THAP4: variants seen among roughly 807,000 people sequenced by gnomAD.
THAP4 encodes the protein THAP domain containing 4, also known as peroxynitrite isomerase THAP4.
THAP4 carries 18 observed loss-of-function variants against 48.1 expected under a neutral mutation model. That is an observed-to-expected ratio of 0.37 (90% CI 0.26 to 0.56). The LOEUF (loss-of-function observed/expected upper bound fraction) is 0.56, where lower values mean the gene tolerates loss of function less well. Among genes scored for constraint, THAP4 ranks in the 20% least tolerant of loss-of-function variants. The probability of loss-of-function intolerance (pLI) is 0.78; values close to 1 mark genes in which losing one functional copy is unlikely to be tolerated. For synonymous variants in THAP4, 345 were observed against 324.9 expected (o/e 1.06, Z -0.66); for missense variants, 656 against 774.9 (o/e 0.85, Z 1.82).
chr2:241,584,648 C>T lies in THAP4; in HGVS notation c.1692G>A (p.Met564Ile), dbSNP rs1285749377. 1.9e-6 allele frequency: 3 copies of T among 1,614,230 alleles called. No homozygotes were observed. The highest frequency in any genetic ancestry group is 1.6e-4 in the Middle Eastern group (1 of 6,062). Reference sequence around the variant, plus strand: ...TGTAGGTGACGTGAAGATGCTGAGTCATTGGCTGTGTCGTGGTTGCCATGG... The same window carrying T: ...TGTAGGTGACGTGAAGATGCTGAGTTATTGGCTGTGTCGTGGTTGCCATGG... ...TVSMATTTQP[M>I]TQHLHVTYKK... The change falls in exon 6 of 6, where the codon ATG becomes ATA. Residue 564 changes from methionine (M) to isoleucine (I), a missense_variant. Met to Ile is a conservative substitution (Grantham distance 10, BLOSUM62 1). This residue lies in a region of THAP4 where 176 missense variants were observed against 256.7 expected (regional missense o/e 0.69). Coordinates refer to ENST00000407315, the MANE Select transcript of THAP4 (RefSeq NM_015963.6).
intron 5 of THAP4, among the ~76,000 whole-genome samples, chr2:241,591,289 G>C (rs1460962031): frequency 6.6e-6 from 1 of 152,192 alleles, no homozygotes; most frequent in Non-Finnish European, 1.5e-5. Context: ...CAGAAACCAG[G>C]CCGGGGGCTT....
intron 5 of THAP4, among the ~76,000 whole-genome samples, chr2:241,593,854 T>C (rs1433059225): frequency 6.6e-6 from 1 of 152,122 alleles, no homozygotes; most frequent in Non-Finnish European, 1.5e-5. Flanking sequence ...GCCCGGCTAC[T>C]TTTTGTATTT....
rs549328818 is a variant in THAP4, at chr2:241,595,278, G to T, written c.1614+6618C>A. 3.9e-5 allele frequency among the ~76,000 whole-genome samples: 6 copies of T among 152,262 alleles called. No homozygotes were observed. In the East Asian group the frequency reaches 1.2e-3, roughly 30 times the overall value. On this transcript the variant is annotated intron_variant, in intron 5 of 5. Transcript: ENST00000407315. The stretch of plus-strand genomic sequence containing the variant: ...GATATGCCCACCTTGGCCTCCTACA[G>T]AGCTGGGATTACAGGCGTGAGCCAC...
At chr2:241,622,299 A>C (rs925730746) in intron 2 of THAP4, among the ~76,000 whole-genome samples, 3 of 152,176 alleles carry the variant, frequency 2.0e-5, no homozygotes, top group South Asian at 2.1e-4. Context: ...TGGGAGGTGG[A>C]GGTTGCAATG....
chr2:241,633,263 C>A lies in THAP4; in HGVS notation c.894G>T (p.Gln298His), dbSNP rs374962026. ...CGTCGGCAGGAGGGGCAGAGGGGCTCTGGGAAGGCTTCTGCGGTGTCGCGG... is the reference window on the plus strand; with the variant it reads ...CGTCGGCAGGAGGGGCAGAGGGGCTATGGGAAGGCTTCTGCGGTGTCGCGG... ...SLTATPQKPS[Q>H]SPSAPPADVT... The change falls in exon 2 of 6, where the codon CAG becomes CAT. Residue 298 changes from glutamine to histidine, a missense_variant. Gln to His is a conservative substitution (Grantham distance 24). Transcript: ENST00000407315. This position sits in a 1 kb window ranked among gnomAD's most constrained non-coding sequence, Gnocchi z 7.5. 6.2e-7 allele frequency: 1 copy of A among 1,611,062 alleles called. No individual in the cohort carries two copies. The highest frequency in any genetic ancestry group is 8.5e-7 in the Non-Finnish European group (1 of 1,179,494).
intron 2 of THAP4, among the ~76,000 whole-genome samples, chr2:241,618,643 T>C (rs531411425): frequency 1.3e-5 from 2 of 152,298 alleles, no homozygotes; most frequent in South Asian, 4.1e-4. Context: ...CCACAGAGAA[T>C]AGCAGTGAGA....
chr2:241,607,243 G>A (rs1223216757), intron 2 of THAP4, among the ~76,000 whole-genome samples: 1 of 152,092 alleles, frequency 6.6e-6, no homozygotes, highest in Non-Finnish European at 1.5e-5. Context: ...GGGAGGGGCC[G>A]CTGGGTTGGC....
chr2:241,637,021 G>A lies in THAP4; in HGVS notation c.-4C>T. The A allele has an allele frequency of 7.9e-7, 1 of 1,273,410 alleles. No homozygotes were observed. Among genetic ancestry groups the A allele is most frequent in the Non-Finnish European group, 1.0e-6 (1 of 985,136 alleles). 78.9% of individuals were successfully genotyped at this position (1,273,410 alleles called of 1,614,324 possible). On this transcript the variant is annotated 5_prime_UTR_variant, in exon 1 of 6. Transcript: ENST00000407315. ...CGGCCGCACAGCAGATCACCATCGC[G>A]GGCCTTGGCCCAGCCGCGCAGCCAG...
chr2:241,637,374 G>T (rs1009564508), upstream of THAP4: 1 of 1,386,058 alleles, frequency 7.2e-7, no homozygotes, highest in African/African-American at 1.5e-5. Context: ...CAAGATGGCT[G>T]CTCGGACGGG....
intron 5 of THAP4, among the ~76,000 whole-genome samples, chr2:241,600,727 CA>C (rs35546566): frequency 3.6e-3 from 318 of 88,772 alleles, no homozygotes; most frequent in Admixed American, 4.9e-3. Flanking sequence ...GACTCCGTCT[CA>C]AAAAAAAAAA....
rs189102397 is a variant in THAP4 at position 241,599,343 on chromosome 2, A to G, written c.1614+2553T>C. ...TGACACACAGAACTATTTCCACTAGAGTCAGGGACAAGCATGCAACAAACA... is the reference window on the plus strand; with the variant it reads ...TGACACACAGAACTATTTCCACTAGGGTCAGGGACAAGCATGCAACAAACA... On this transcript the variant is annotated intron_variant, in intron 5 of 5. Transcript: ENST00000407315. Among the ~76,000 whole-genome samples, 4 of 152,182 alleles carry G rather than the reference A, an allele frequency of 2.6e-5. No homozygotes were observed. In the East Asian group the frequency reaches 7.7e-4, roughly 29 times the overall value.
intron 5 of THAP4, among the ~76,000 whole-genome samples, chr2:241,598,745 G>A (rs1294714520): frequency 1.3e-5 from 2 of 152,072 alleles, no homozygotes; most frequent in African/African-American, 2.4e-5. Context: ...CCTGCAGTGA[G>A]GACTGCATTA....
At chr2:241,637,185 C>A, upstream of THAP4, 1 of 986,832 alleles carries the variant, frequency 1.0e-6, no homozygotes, top group African/African-American at 1.8e-5. Flanking sequence ...GCAGCGGGCC[C>A]GCCCCCGCCC....
intron 2 of THAP4, among the ~76,000 whole-genome samples, chr2:241,629,829 G>T (rs1297509238): frequency 6.6e-6 from 1 of 151,622 alleles, no homozygotes; most frequent in Non-Finnish European, 1.5e-5. Context: ...AACCACAGGG[G>T]AGGTCTACCT....
chr2:241,624,658 G>C (rs1191219159), intron 2 of THAP4, among the ~76,000 whole-genome samples: 1 of 152,202 alleles, frequency 6.6e-6, no homozygotes, highest in Non-Finnish European at 1.5e-5. Context: ...TAGTTCTGAA[G>C]TTTTCATGGA....
chr2:241,629,665 A>G (rs1476593684), intron 2 of THAP4, among the ~76,000 whole-genome samples: 1 of 151,972 alleles, frequency 6.6e-6, no homozygotes, highest in East Asian at 1.9e-4. Flanking sequence ...AAATAAGATG[A>G]AAAGGTTGAA....
chr2:241,631,647 A>C (rs545059501), intron 2 of THAP4, among the ~76,000 whole-genome samples: 1 of 152,136 alleles, frequency 6.6e-6, no homozygotes, highest in Admixed American at 6.5e-5. Context: ...TAAATTATTT[A>C]TAGAGATGGG....
chr2:241,625,233 C>G, intron 2 of THAP4, among the ~76,000 whole-genome samples: 1 of 152,080 alleles, frequency 6.6e-6, no homozygotes, highest in East Asian at 1.9e-4. Flanking sequence ...CCAACACTTT[C>G]AGAGGCCAAG....
intron 5 of THAP4, among the ~76,000 whole-genome samples, chr2:241,600,975 TAA>T (rs35094187): frequency 5.5e-5 from 8 of 145,974 alleles, no homozygotes; most frequent in Non-Finnish European, 4.6e-5. Flanking sequence ...TACAAATCTT[TAA>T]AAAAAAAAAA....
Sources: gnomAD v4.1 joint callset for allele counts (sites outside exome capture counted in the v4.1 genomes callset) on GRCh38, gnomAD v4.1.1 for gene constraint, gnomAD v4.1.1 regional missense constraint, Gnocchi (gnomAD v3.1) non-coding constraint, MANE v1.5 for transcripts, NCBI Gene and HGNC (gene_info 2026-07-23, HGNC 2026-07-21) for gene names.